Variants in ZMYM6 observed in about 807,000 individuals in gnomAD.
ZMYM6 encodes zinc finger MYM-type protein 6.
Under a neutral mutation model 134.0 loss-of-function variants are expected in ZMYM6, and 90 were observed. That is an observed-to-expected ratio of 0.67 (90% CI 0.57 to 0.80). The LOEUF (loss-of-function observed/expected upper bound fraction) is 0.80. Ranked by LOEUF, ZMYM6 falls within the 30% of genes least tolerant of loss-of-function variation. The probability of loss-of-function intolerance (pLI) is 0.00; values close to 1 mark genes in which losing one functional copy is unlikely to be tolerated. For missense variants in ZMYM6, 1,362 were observed against 1,533.9 expected, an observed-to-expected ratio of 0.89 and a Z score of 1.87; for synonymous variants, 481 against 524.1, an observed-to-expected ratio of 0.92 and a Z score of 1.12.
chr1:34,992,168 T>A lies in ZMYM6; in HGVS notation c.2146+66A>T. Reference sequence around the variant, plus strand: ...CTGTCAATTATTTTCTTTTCCTTTCTTAAAAAACAAAAACAAACAAGCCAG... The same window carrying A: ...CTGTCAATTATTTTCTTTTCCTTTCATAAAAAACAAAAACAAACAAGCCAG... On this transcript the variant is annotated intron_variant, in intron 15 of 15. Coordinates refer to ENST00000357182, the MANE Select transcript of ZMYM6 (RefSeq NM_007167.4). 1.9e-6 allele frequency: 3 copies of A among 1,602,476 alleles called. No individual in the cohort carries two copies. In the South Asian group the frequency reaches 3.3e-5, roughly 18 times the overall value.
Position 35,011,053 on chromosome 1 carries a change from A to G in ZMYM6, c.1063-17T>C, listed in dbSNP as rs778007575. 1.2e-5 allele frequency: 19 copies of G among 1,605,434 alleles called. No individual in the cohort carries two copies. The African/African-American group carries it at 2.5e-4, about 22-fold the overall frequency. On this transcript the variant is annotated splice_polypyrimidine_tract_variant and intron_variant, in intron 8 of 15. Coordinates refer to ENST00000357182, the MANE Select transcript of ZMYM6 (RefSeq NM_007167.4). The stretch of plus-strand genomic sequence containing the variant: ...AAATACATTCTGAATGAAAACAAAT[A>G]AGGTAAAGATTTTATCAACTGAGAA...
intron 7 of ZMYM6, 71 bp from the exon 8 acceptor site, chr1:35,012,076 A>C (rs896451801): frequency 1.6e-5 from 15 of 943,012 alleles, no homozygotes; most frequent in Admixed American, 1.2e-4. Flanking sequence ...ATGTATTGGG[A>C]GAATGAAAAA....
intron 2 of ZMYM6, among the ~76,000 whole-genome samples, chr1:35,027,175 G>A (rs935405148): frequency 6.6e-6 from 1 of 152,192 alleles, no homozygotes; most frequent in Non-Finnish European, 1.5e-5. Context: ...TTAGAAGATA[G>A]TTTTGAGTGA....
chr1:35,017,082 A>G (rs1280105155), intron 4 of ZMYM6, among the ~76,000 whole-genome samples: 1 of 152,182 alleles, frequency 6.6e-6, no homozygotes, highest in African/African-American at 2.4e-5. Context: ...AGGAAACTGA[A>G]TGAGAGGTTA....
chr1:34,989,653 C>A (rs915417406), intron 15 of ZMYM6: 1 of 152,084 alleles, frequency 6.6e-6, no homozygotes, highest in East Asian at 1.9e-4. Flanking sequence ...GTAATCCCAG[C>A]ACTTTGGGAG....
Position 34,992,448 on chromosome 1 carries a change from A to G in ZMYM6, c.1993-61T>C, listed in dbSNP as rs143446886. The G allele has an allele frequency of 7.7e-4, 1,177 of 1,518,862 alleles. 10 individuals are homozygous for G. The African/African-American group carries it at 0.012, about 16-fold the overall frequency. 94.1% of individuals were successfully genotyped at this position (1,518,862 alleles called of 1,614,324 possible). A position where few individuals can be genotyped will look rare whatever the true frequency, so the allele number is the denominator to read the frequency against. ...TTTTTTTAGTACCTTATCACTGACT[A>G]TAATTGCTATCAATTGAAAGTTCAT... is the stretch of plus-strand genomic sequence containing the variant. On this transcript the variant is annotated intron_variant, in intron 14 of 15. Transcript: ENST00000357182.
In ZMYM6 at chr1:35,019,499, A is replaced by G. The variant is rs749634929; in HGVS notation, c.282T>C (p.Gly94=). ...GGCCCTTATAAAGCATTTTTTTACA[A>G]CCAGAACAAAAAACCTTAATAGCAA... ...PAVAIKVFCS[G]CKKMLYKGQT... is the part of the protein sequence containing the mutation. The change falls in exon 4 of 16, where the codon GGT becomes GGC. Residue 94 remains glycine (G), a synonymous_variant. Transcript: ENST00000357182. 168 of 1,614,006 alleles carry G rather than the reference A, an allele frequency of 1.0e-4. 1 individual carries two copies. In the South Asian group the frequency reaches 1.7e-3, roughly 16 times the overall value.
In ZMYM6 at chr1:35,030,600, C is replaced by A. The variant is rs1641503504; in HGVS notation, c.40G>T (p.Val14Leu). The change falls in exon 2 of 16, where the codon GTA becomes TTA. Residue 14 changes from valine (V) to leucine (L), a missense_variant. Transcript: ENST00000357182. ...PLDGECGKAV[V>L]PQQELLDKIK... ...TTGTCCAGAAGCTCCTGCTGTGGTACCACTGCTTTGCCACATTCACCATCC... is the reference window on the plus strand; with the variant it reads ...TTGTCCAGAAGCTCCTGCTGTGGTAACACTGCTTTGCCACATTCACCATCC... 5 of 1,613,774 alleles carry A rather than the reference C, an allele frequency of 3.1e-6. No individual in the cohort carries two copies. The highest frequency in any genetic ancestry group is 4.2e-6 in the Non-Finnish European group (5 of 1,179,986).
intron 12 of ZMYM6, among the ~76,000 whole-genome samples, chr1:35,005,806 C>T (rs982429672): frequency 1.3e-5 from 2 of 152,118 alleles, no homozygotes; most frequent in Non-Finnish European, 1.5e-5. Flanking sequence ...GTTTTCTTAA[C>T]CCATATTATA....
chr1:35,030,859 G>A (rs1240631713), intron 1 of ZMYM6, 146 bp from the exon 2 acceptor site: 7 of 525,584 alleles, frequency 1.3e-5, no homozygotes, highest in East Asian at 1.0e-4. Context: ...CTTTCTTCCT[G>A]CTTTCTGTTC....
At chr1:35,015,595 G>A (rs1296948897) in intron 4 of ZMYM6, among the ~76,000 whole-genome samples, 1 of 150,788 alleles carries the variant, frequency 6.6e-6, no homozygotes, top group Non-Finnish European at 1.5e-5. Context: ...GTGGTGGTGG[G>A]CGCCTGTAAT....
At position 35,030,629 on chromosome 1, in the gene ZMYM6, G is replaced by A. The variant is rs1388848931; in HGVS notation, c.11C>T (p.Pro4Leu). The A allele has an allele frequency of 1.9e-6, 3 of 1,612,098 alleles. No individual in the cohort carries two copies. The highest frequency in any genetic ancestry group is 8.5e-7 in the Non-Finnish European group (1 of 1,179,770). Residue 4 changes from proline (P) to leucine (L), a missense_variant, in exon 2 of 16, where the codon CCT becomes CTT. Pro to Leu is a moderately conservative substitution (Grantham distance 98, BLOSUM62 -3). Transcript: ENST00000357182. ...TGCTTTGCCACATTCACCATCCAAA[G>A]GTTCTTTCATTCTAATTTTTTACCT... MKE[P>L]LDGECGKAVV... is the part of the protein sequence containing the mutation.
chr1:35,007,817 C>CTGGGGGA (rs1641012070), intron 11 of ZMYM6, among the ~76,000 whole-genome samples: 1 of 143,182 alleles, frequency 7.0e-6, no homozygotes, highest in East Asian at 2.4e-4. Context: ...TTCTGTCTGG[C>CTGGGGGA]TGGGGGATGG....
At chr1:35,003,861 C>A (rs1640919990) in intron 14 of ZMYM6, 107 bp downstream of exon 14, 1 of 966,610 alleles carries the variant, frequency 1.0e-6, no homozygotes, top group South Asian at 1.4e-5. Context: ...TGACTAGGAC[C>A]CTCTTCCAGC....
chr1:35,019,733 T>C, intron 3 of ZMYM6, 131 bp from the exon 4 acceptor site: 1 of 1,128,758 alleles, frequency 8.9e-7, no homozygotes, highest in Non-Finnish European at 1.2e-6. Context: ...AGTGCAGTGG[T>C]GCAATCAAGG....
intron 14 of ZMYM6, among the ~76,000 whole-genome samples, chr1:34,993,409 C>A (rs553965150): frequency 6.6e-6 from 1 of 152,256 alleles, no homozygotes; most frequent in African/African-American, 2.4e-5. Context: ...CCACTCCCAG[C>A]TGGGATCACA....
chr1:35,014,929 A>T lies in ZMYM6; in HGVS notation c.604-41T>A, dbSNP rs372552796. On this transcript the variant is annotated intron_variant, in intron 5 of 15. Coordinates refer to ENST00000357182, the MANE Select transcript of ZMYM6 (RefSeq NM_007167.4). ...ACACATACACACACAAAATAAGCAG[A>T]GCCAGTTAAAAAAAAATCTCTTTCA... 10 of 1,608,246 alleles carry T rather than the reference A, an allele frequency of 6.2e-6. No individual in the cohort carries two copies. The African/African-American group carries it at 1.2e-4, about 19-fold the overall frequency.
chr1:35,026,146 G>A (rs1641410110), intron 2 of ZMYM6, among the ~76,000 whole-genome samples: 1 of 152,004 alleles, frequency 6.6e-6, no homozygotes, highest in South Asian at 2.1e-4. Flanking sequence ...TCAGCCTCCT[G>A]AGTAGCTGGG....
chr1:34,993,046 A>C (rs921867107), intron 14 of ZMYM6, among the ~76,000 whole-genome samples: 1 of 149,730 alleles, frequency 6.7e-6, no homozygotes, highest in African/African-American at 2.4e-5. Flanking sequence ...GATCTCAGGG[A>C]AAAAAAAAGA....
Sources: gnomAD v4.1 joint callset for allele counts (sites outside exome capture counted in the v4.1 genomes callset) on GRCh38, gnomAD v4.1.1 for gene constraint, MANE v1.5 for transcripts, NCBI Gene and HGNC (gene_info 2026-07-23, HGNC 2026-07-21) for gene names.